SELP: variants seen among roughly 807,000 people sequenced by gnomAD.
SELP encodes P-selectin.
A neutral mutation model predicts 104.1 loss-of-function variants in SELP; 92 were observed. That is an observed-to-expected ratio of 0.88 (90% CI 0.75 to 1.05). SELP has a LOEUF of 1.05. Among genes scored for constraint, SELP ranks in the 50% least tolerant of loss-of-function variants. The probability of loss-of-function intolerance (pLI) is 0.00; values close to 1 mark genes in which losing one functional copy is unlikely to be tolerated. For synonymous variants in SELP, 397 were observed against 364.5 expected, an observed-to-expected ratio of 1.09 and a Z score of -1.01; for missense variants, 1,022 against 1,017.3, an observed-to-expected ratio of 1.00 and a Z score of -0.06.
intron 8 of SELP, among the ~76,000 whole-genome samples, chr1:169,608,699 C>T (rs1006670479): frequency 3.3e-5 from 5 of 152,070 alleles, no homozygotes; most frequent in African/African-American, 1.2e-4. Context: ...TCTTCAAGAC[C>T]TGCTTTCAAA....
At chr1:169,624,422 T>C (rs1663276229) in intron 1 of SELP, among the ~76,000 whole-genome samples, 1 of 152,198 alleles carries the variant, frequency 6.6e-6, no homozygotes, top group Non-Finnish European at 1.5e-5. Context: ...GTGTAAGCCT[T>C]CATTAAGTAC....
intron 3 of SELP, among the ~76,000 whole-genome samples, chr1:169,615,236 T>G (rs1450118849): frequency 6.6e-6 from 1 of 152,214 alleles, no homozygotes; most frequent in Non-Finnish European, 1.5e-5. Flanking sequence ...TATATCTATT[T>G]CTCATCTCCC....
chr1:169,617,302 G>A lies in SELP; in HGVS notation c.207C>T (p.Ala69=). ...YCQNRYTDLV[A]IQNKNEIDYL... is the part of the protein sequence containing the mutation. ...AATCAATTTCATTTTTATTCTGGAT[G>A]GCCACTAAGTCTGTGTAGCGATTCT... The change falls in exon 3 of 17, where the codon GCC becomes GCT. Residue 69 remains alanine (A), a synonymous_variant. Coordinates refer to ENST00000263686, the MANE Select transcript of SELP (RefSeq NM_003005.4). 1 of 1,614,024 alleles carries A rather than the reference G, an allele frequency of 6.2e-7. No homozygotes were observed. Among genetic ancestry groups the A allele is most frequent in the East Asian group, 2.2e-5 (1 of 44,882 alleles).
chr1:169,618,271 G>A (rs3917702), intron 2 of SELP, among the ~76,000 whole-genome samples: 8,870 of 152,228 alleles, frequency 0.058, 376 homozygotes, highest in East Asian at 0.2. Flanking sequence ...ATCCTGATCT[G>A]CAATCTTATA....
rs1661608380 is a variant in SELP, at chr1:169,596,305, A to G, written c.1892-171T>C. 2.6e-5 allele frequency among the ~76,000 whole-genome samples: 4 copies of G among 152,218 alleles called. No homozygotes were observed. In the South Asian group the frequency reaches 8.3e-4, roughly 32 times the overall value. Reference sequence around the variant, plus strand: ...CTATCAGTGTCAGAGATAGAAAACCAGATGAGGAAAATTATTAAAAATCAT... The same window carrying G: ...CTATCAGTGTCAGAGATAGAAAACCGGATGAGGAAAATTATTAAAAATCAT... On this transcript the variant is annotated intron_variant, in intron 11 of 16. Coordinates refer to ENST00000263686, the MANE Select transcript of SELP (RefSeq NM_003005.4).
At position 169,603,010 on chromosome 1, in the gene SELP, C is replaced by G; in HGVS notation, c.1705+16G>C. The G allele has an allele frequency of 6.3e-7, 1 of 1,599,342 alleles. No homozygotes were observed. Among genetic ancestry groups the G allele is most frequent in the Non-Finnish European group, 8.5e-7 (1 of 1,169,626 alleles). On this transcript the variant is annotated intron_variant, in intron 10 of 16. Coordinates refer to ENST00000263686, the MANE Select transcript of SELP (RefSeq NM_003005.4). Reference sequence around the variant, plus strand: ...TCATCTTTAAAGCCATAAGAAAGGACAGACCCACAGCCTACCTTCACACAT... The same window carrying G: ...TCATCTTTAAAGCCATAAGAAAGGAGAGACCCACAGCCTACCTTCACACAT...
intron 15 of SELP, among the ~76,000 whole-genome samples, chr1:169,590,597 G>A (rs1488895361): frequency 2.0e-5 from 3 of 151,880 alleles, no homozygotes; most frequent in Admixed American, 6.6e-5. Context: ...GAGTTCTTCC[G>A]ATATTGAGTG....
At chr1:169,617,772 C>T (rs1662899236) in intron 2 of SELP, among the ~76,000 whole-genome samples, 1 of 152,178 alleles carries the variant, frequency 6.6e-6, no homozygotes, top group Non-Finnish European at 1.5e-5. Flanking sequence ...GATTAAATGA[C>T]ATATAAAATG....
intron 1 of SELP, among the ~76,000 whole-genome samples, chr1:169,620,708 C>T (rs1274488773): frequency 3.5e-5 from 5 of 141,542 alleles, no homozygotes; most frequent in Non-Finnish European, 3.1e-5. Context: ...GATGATGTAG[C>T]GTGCATGGGA....
intron 8 of SELP, among the ~76,000 whole-genome samples, chr1:169,607,953 T>C (rs989494193): frequency 6.6e-6 from 1 of 152,140 alleles, no homozygotes; most frequent in Admixed American, 6.5e-5. Flanking sequence ...TATCCAACTA[T>C]CTTTTCTTGA....
rs892823252 is a variant in SELP, at chr1:169,602,915, GGA to G, written c.1705+109_1705+110del. The G allele has an allele frequency of 1.6e-4, 124 of 778,292 alleles. No individual in the cohort carries two copies. The African/African-American group carries it at 1.7e-3, about 10-fold the overall frequency. 48.2% of individuals were successfully genotyped at this position (778,292 alleles called of 1,614,324 possible). On this transcript the variant is annotated intron_variant, in intron 10 of 16. Transcript: ENST00000263686. ...TTTTTATCTAGATTACCATTGTTGT[GGA>G]GAGTGTTGTTTGCTTCAGCTCAAGA...
At position 169,596,669 on chromosome 1, in the gene SELP, T is replaced by C. The variant is rs3917807; in HGVS notation, c.1891+322A>G. Among the ~76,000 whole-genome samples, 1,149 of 152,344 alleles carry C rather than the reference T, an allele frequency of 7.5e-3. 18 individuals carry two copies. Among genetic ancestry groups the C allele is most frequent in the African/African-American group, 0.026 (1,085 of 41,570 alleles). On this transcript the variant is annotated intron_variant, in intron 11 of 16. Coordinates refer to ENST00000263686, the MANE Select transcript of SELP (RefSeq NM_003005.4). ...ACCTCAATTCCTAGATTTGAAAAAC[T>C]GGACCAGTGACTCTACCCCAGTATT...
chr1:169,623,002 A>G (rs188567949), intron 1 of SELP, among the ~76,000 whole-genome samples: 84 of 152,300 alleles, frequency 5.5e-4, no homozygotes, highest in Non-Finnish European at 9.8e-4. Context: ...GGAAAATCCA[A>G]TCTTCTTTTG....
intron 7 of SELP, 67 bp downstream of exon 7, chr1:169,611,425 C>T: frequency 3.3e-6 from 5 of 1,524,042 alleles, no homozygotes; most frequent in Non-Finnish European, 2.7e-6. Flanking sequence ...ACTGAGAGCC[C>T]TTGGCCTCTC....
intron 14 of SELP, 132 bp downstream of exon 14, chr1:169,593,473 T>A: frequency 1.5e-6 from 1 of 685,234 alleles, no homozygotes. Flanking sequence ...GGCTTTATTT[T>A]CTTTTAATGC....
chr1:169,626,633 G>T (rs937873848), intron 1 of SELP, among the ~76,000 whole-genome samples: 6 of 152,192 alleles, frequency 3.9e-5, no homozygotes, highest in African/African-American at 1.4e-4. Flanking sequence ...AATACCAGTT[G>T]GCAGAAGGGA....
chr1:169,604,409 C>T (rs371054768), intron 9 of SELP, among the ~76,000 whole-genome samples: 4 of 152,106 alleles, frequency 2.6e-5, no homozygotes, highest in Admixed American at 1.3e-4. Flanking sequence ...GTTGCCTGTT[C>T]ACTCTGATGG....
At chr1:169,618,391 T>G (rs1344037383) in intron 2 of SELP, among the ~76,000 whole-genome samples, 1 of 152,188 alleles carries the variant, frequency 6.6e-6, no homozygotes, top group Non-Finnish European at 1.5e-5. Flanking sequence ...TTCACAAGTG[T>G]TTTTGATACC....
At chr1:169,608,271 T>C (rs1662303546) in intron 8 of SELP, among the ~76,000 whole-genome samples, 2 of 152,064 alleles carry the variant, frequency 1.3e-5, no homozygotes, top group African/African-American at 4.8e-5. Flanking sequence ...AGCACATTCA[T>C]ATTATTGTGC....
Sources: allele counts gnomAD v4.1 joint callset (sites outside exome capture counted in the v4.1 genomes callset), GRCh38; gene constraint gnomAD v4.1.1; transcripts MANE v1.5; gene names NCBI Gene and HGNC (gene_info 2026-07-23, HGNC 2026-07-21).